Variants in GRID2 observed in about 807,000 individuals in gnomAD.
The protein encoded by GRID2 is glutamate ionotropic receptor delta type subunit 2, also known as glutamate receptor ionotropic, delta-2.
In GRID2, 33 loss-of-function variants were observed where a neutral mutation model predicts 114.8. The ratio of observed to expected loss-of-function variants is 0.29; its 90% CI spans 0.22 to 0.38. The LOEUF (loss-of-function observed/expected upper bound fraction) is 0.38, where lower values mean the gene tolerates loss of function less well. Ranked by LOEUF, GRID2 falls within the 10% of genes least tolerant of loss-of-function variation. GRID2 has a pLI of 1.00. For missense variants in GRID2, 1,184 were observed against 1,257.7 expected (o/e 0.94, Z 0.89); for synonymous variants, 505 against 449.9 (o/e 1.12, Z -1.55).
chr4:93,649,808 C>T (rs534018500), intron 14 of GRID2, among the ~76,000 whole-genome samples: 163 of 152,262 alleles, frequency 1.1e-3, no homozygotes, highest in African/African-American at 3.9e-3. Flanking sequence ...TTGTGTAATT[C>T]TTTCTGTCGC....
intron 1 of GRID2, among the ~76,000 whole-genome samples, chr4:92,432,694 G>T (rs1243760198): frequency 6.6e-6 from 1 of 152,122 alleles, no homozygotes; most frequent in African/African-American, 2.4e-5. Context: ...AGTAGCTAAG[G>T]CCTGGAATCA....
chr4:92,972,257 A>G (rs369429392), intron 2 of GRID2, among the ~76,000 whole-genome samples: 1 of 149,176 alleles, frequency 6.7e-6, no homozygotes, highest in South Asian at 2.1e-4. Context: ...GTGAGATGAT[A>G]TCTCATTATG....
At chr4:92,372,150 T>A (rs905989472) in intron 1 of GRID2, among the ~76,000 whole-genome samples, 1 of 152,170 alleles carries the variant, frequency 6.6e-6, no homozygotes, top group South Asian at 2.1e-4. Context: ...TTGGATGAGA[T>A]CTACTCCTGG....
At chr4:92,728,878 T>TA (rs2149322654) in intron 2 of GRID2, among the ~76,000 whole-genome samples, 1 of 152,004 alleles carries the variant, frequency 6.6e-6, no homozygotes, top group South Asian at 2.1e-4. Context: ...GCTCTACTGT[T>TA]GCTAAACTCA....
intron 4 of GRID2, among the ~76,000 whole-genome samples, chr4:93,184,765 G>A (rs577599498): frequency 3.3e-5 from 5 of 151,938 alleles, no homozygotes; most frequent in Non-Finnish European, 7.4e-5. Flanking sequence ...GCCTGTAATC[G>A]CAGATACTCA....
At chr4:93,417,751 TAAAC>T (rs1361568720) in intron 9 of GRID2, among the ~76,000 whole-genome samples, 1 of 152,038 alleles carries the variant, frequency 6.6e-6, no homozygotes, top group Non-Finnish European at 1.5e-5. Flanking sequence ...ATTATTCTCT[TAAAC>T]ATTCATTCAT....
chr4:92,788,345 G>A (rs1240992799), intron 2 of GRID2, among the ~76,000 whole-genome samples: 1 of 151,844 alleles, frequency 6.6e-6, no homozygotes, highest in African/African-American at 2.4e-5. Context: ...ATAGAGTAAT[G>A]AAGACAAAGT....
chr4:92,466,266 A>T (rs1174095218), intron 1 of GRID2, among the ~76,000 whole-genome samples: 1 of 151,882 alleles, frequency 6.6e-6, no homozygotes, highest in South Asian at 2.1e-4. Flanking sequence ...TTGAAACTAT[A>T]TAATATATTA....
rs148300094 is a variant in GRID2 at position 93,540,219 on chromosome 4, A to G, written c.2193+24808A>G. On this transcript the variant is annotated intron_variant, in intron 13 of 15. Transcript: ENST00000282020. ...GAATGTTGTATTTTCTTTAGAATTC[A>G]ATATTTCCTTATTGCGATGTTTTTT... Among the ~76,000 whole-genome samples the G allele has an allele frequency of 2.0e-3, 305 of 152,050 alleles. 6 individuals are homozygous for G. The East Asian group carries it at 0.043, about 21-fold the overall frequency.
At chr4:92,960,129 A>G (rs373879346) in intron 2 of GRID2, among the ~76,000 whole-genome samples, 4 of 152,164 alleles carry the variant, frequency 2.6e-5, no homozygotes, top group Admixed American at 1.3e-4. Context: ...CTGAGAACAA[A>G]CATTGTTTGA....
At chr4:92,667,222 T>C (rs1360347013) in intron 2 of GRID2, among the ~76,000 whole-genome samples, 1 of 151,800 alleles carries the variant, frequency 6.6e-6, no homozygotes, top group Non-Finnish European at 1.5e-5. Context: ...AATTATTGTC[T>C]GAGTGAGAAA....
intron 12 of GRID2, among the ~76,000 whole-genome samples, chr4:93,502,502 C>T (rs976923179): frequency 2.0e-5 from 3 of 151,768 alleles, no homozygotes; most frequent in African/African-American, 4.8e-5. Flanking sequence ...GTCATATCTT[C>T]TTATTTTCTT....
chr4:92,312,034 G>T (rs1725734127), intron 1 of GRID2, among the ~76,000 whole-genome samples: 1 of 151,832 alleles, frequency 6.6e-6, no homozygotes, highest in African/African-American at 2.4e-5. Flanking sequence ...CCAAAGAAAG[G>T]ATGTGAACCA....
At chr4:92,856,631 C>G (rs1294769621) in intron 2 of GRID2, among the ~76,000 whole-genome samples, 1 of 152,082 alleles carries the variant, frequency 6.6e-6, no homozygotes, top group African/African-American at 2.4e-5. Context: ...GGTTTTTCCA[C>G]TGGAGTTTAA....
intron 4 of GRID2, among the ~76,000 whole-genome samples, chr4:93,180,939 C>T (rs917533453): frequency 2.0e-5 from 3 of 152,144 alleles, no homozygotes; most frequent in African/African-American, 7.2e-5. Flanking sequence ...TTCTAAACTC[C>T]TGCTCATGTT....
Position 92,482,025 on chromosome 4 carries a change from TATATATATAA to T in GRID2, c.89-108104_89-108095del, listed in dbSNP as rs1197848749. On this transcript the variant is annotated intron_variant, in intron 1 of 15. Coordinates refer to ENST00000282020, the MANE Select transcript of GRID2 (RefSeq NM_001510.4). Reference sequence around the variant, plus strand: ...ATATATATATATATATATATATATATATATATATAAAATAACAATACAAGCTTATAGCTGC... The same window carrying T: ...ATATATATATATATATATATATATATAATAACAATACAAGCTTATAGCTGC... 4.6e-3 allele frequency among the ~76,000 whole-genome samples: 312 copies of T among 68,074 alleles called. 13 individuals carry two copies. Among genetic ancestry groups the T allele is most frequent in the African/African-American group, 0.017 (285 of 17,022 alleles). 44.7% of individuals were successfully genotyped at this position (68,074 alleles called of 152,430 possible).
intron 1 of GRID2, among the ~76,000 whole-genome samples, chr4:92,564,622 T>G (rs1306082457): frequency 1.3e-5 from 2 of 151,900 alleles, no homozygotes; most frequent in Non-Finnish European, 2.9e-5. Context: ...AATAAAGAAA[T>G]ATAAATTTAA....
At chr4:93,598,389 TTCC>T (rs1487888520) in intron 13 of GRID2, among the ~76,000 whole-genome samples, 2 of 152,156 alleles carry the variant, frequency 1.3e-5, no homozygotes, top group Non-Finnish European at 2.9e-5. Context: ...CTTCTCATGC[TTCC>T]TTTCTCACTC....
chr4:92,724,279 T>A (rs1735952920), intron 2 of GRID2, among the ~76,000 whole-genome samples: 1 of 152,002 alleles, frequency 6.6e-6, no homozygotes, highest in African/African-American at 2.4e-5. Context: ...ATGCCACAAA[T>A]CTCTTTCACC....
Sources: gnomAD v4.1 joint callset for allele counts (sites outside exome capture counted in the v4.1 genomes callset) on GRCh38, gnomAD v4.1.1 for gene constraint, MANE v1.5 for transcripts, NCBI Gene and HGNC (gene_info 2026-07-23, HGNC 2026-07-21) for gene names.